The following EYS variants were observed in gnomAD, a reference collection of about 807,000 sequenced individuals.
EYS encodes the protein protein eyes shut homolog.
Under a neutral mutation model 282.1 loss-of-function variants are expected in EYS, and 250 were observed. The observed-to-expected ratio is 0.89, with a 90% CI of 0.80 to 0.98. The LOEUF is 0.98. Ranked by LOEUF, EYS falls within the 50% of genes least tolerant of loss-of-function variation. The probability of loss-of-function intolerance (pLI) is 0.00; values close to 1 mark genes in which losing one functional copy is unlikely to be tolerated. For synonymous variants in EYS, 1,355 were observed against 1,282.9 expected (o/e 1.06, Z -1.20); for missense variants, 4,016 against 3,709.0 (o/e 1.08, Z -2.15).
At chr6:65,454,785 T>C (rs1224042886) in intron 5 of EYS, among the ~76,000 whole-genome samples, 1 of 152,132 alleles carries the variant, frequency 6.6e-6, no homozygotes, top group Non-Finnish European at 1.5e-5. Context: ...TGTGTGTTCT[T>C]CTTACCTTTG....
chr6:64,534,422 C>T (rs1464215944), intron 26 of EYS, among the ~76,000 whole-genome samples: 1 of 151,940 alleles, frequency 6.6e-6, no homozygotes, highest in African/African-American at 2.4e-5. Context: ...AATAGCATTG[C>T]CTCAGCAGGA....
chr6:64,487,652 A>G (rs1776616717), intron 26 of EYS, among the ~76,000 whole-genome samples: 1 of 150,992 alleles, frequency 6.6e-6, no homozygotes. Context: ...AATGTGGGAT[A>G]CTATCAATAA....
At chr6:65,439,523 G>A (rs1356348723) in intron 5 of EYS, among the ~76,000 whole-genome samples, 1 of 151,742 alleles carries the variant, frequency 6.6e-6, no homozygotes, top group Admixed American at 6.6e-5. Context: ...CTTTTATTTC[G>A]TTGAGCACTG....
At position 64,909,537 on chromosome 6, in the gene EYS, C is replaced by T. The variant is rs922180496; in HGVS notation, c.2641+2947G>A. Among the ~76,000 whole-genome samples, 5 of 151,828 alleles carry T rather than the reference C, an allele frequency of 3.3e-5. No homozygotes were observed. The South Asian group carries it at 8.3e-4, about 25-fold the overall frequency. ...CTAATAAGATTTTATATAAAATAAC[C>T]ATATTGAATTATTACTGTCACATGC... On this transcript the variant is annotated intron_variant, in intron 16 of 42. Transcript: ENST00000503581.
At chr6:64,715,601 T>G (rs2149938343) in intron 22 of EYS, among the ~76,000 whole-genome samples, 1 of 152,298 alleles carries the variant, frequency 6.6e-6, no homozygotes, top group South Asian at 2.1e-4. Context: ...GGGTTTTCTG[T>G]GGCTGGGAAG....
At chr6:65,173,366 T>C (rs1291037076) in intron 12 of EYS, among the ~76,000 whole-genome samples, 1 of 151,304 alleles carries the variant, frequency 6.6e-6, no homozygotes, top group Non-Finnish European at 1.5e-5. Flanking sequence ...GTAAATCTAC[T>C]AACCTCTCTA....
At chr6:64,453,080 G>A in intron 26 of EYS, among the ~76,000 whole-genome samples, 1 of 152,110 alleles carries the variant, frequency 6.6e-6, no homozygotes, top group East Asian at 1.9e-4. Flanking sequence ...GCAACCTACA[G>A]AATGGGAGAA....
intron 33 of EYS, among the ~76,000 whole-genome samples, chr6:64,026,061 G>A (rs536211841): frequency 5.4e-4 from 82 of 152,294 alleles, no homozygotes; most frequent in African/African-American, 1.6e-3. Flanking sequence ...CATGTGGTCC[G>A]GGAGGAAAAC....
In EYS at chr6:64,364,723, G is replaced by A. The variant is rs555583360; in HGVS notation, c.6078+23967C>T. Among the ~76,000 whole-genome samples the A allele has an allele frequency of 4.0e-5, 6 of 151,848 alleles. No individual in the cohort carries two copies. In the South Asian group the frequency reaches 6.2e-4, roughly 16 times the overall value. On this transcript the variant is annotated intron_variant, in intron 29 of 42. Coordinates refer to ENST00000503581, the MANE Select transcript of EYS (RefSeq NM_001142800.2). ...TTAAAGAAAACTGTACAATTAGAGT[G>A]GAATAATAGACATTGGAAACTTTAA...
intron 11 of EYS, among the ~76,000 whole-genome samples, chr6:65,305,238 C>G (rs1768970259): frequency 6.6e-6 from 1 of 152,142 alleles, no homozygotes; most frequent in South Asian, 2.1e-4. Flanking sequence ...AGAGGGAGAT[C>G]AAGTGAAAGG....
chr6:64,714,512 CTTTCTTT>C (rs1771310803), intron 22 of EYS, among the ~76,000 whole-genome samples: 1 of 21,814 alleles, frequency 4.6e-5, no homozygotes, highest in Admixed American at 5.5e-4. Flanking sequence ...CATTTTCTTT[CTTTCTTT>C]TTTTTTTTTT....
chr6:65,376,839 T>C (rs1027391627), intron 8 of EYS, among the ~76,000 whole-genome samples: 1 of 152,166 alleles, frequency 6.6e-6, no homozygotes, highest in African/African-American at 2.4e-5. Flanking sequence ...TAAATATATA[T>C]GCACCCAATA....
intron 19 of EYS, among the ~76,000 whole-genome samples, chr6:64,856,147 G>A (rs1356641801): frequency 6.6e-6 from 1 of 152,046 alleles, no homozygotes; most frequent in Non-Finnish European, 1.5e-5. Flanking sequence ...TTGTTGGACT[G>A]TATGGTAAAA....
intron 19 of EYS, among the ~76,000 whole-genome samples, chr6:64,873,473 C>T (rs1472705112): frequency 6.6e-6 from 1 of 151,902 alleles, no homozygotes; most frequent in Non-Finnish European, 1.5e-5. Context: ...TATGTGAAAT[C>T]CAAAGAGTTG....
chr6:64,270,425 A>C (rs966705041), intron 30 of EYS, among the ~76,000 whole-genome samples: 6 of 152,044 alleles, frequency 3.9e-5, no homozygotes, highest in Non-Finnish European at 8.8e-5. Context: ...CTAGCAGTTA[A>C]AGATTTATTT....
chr6:65,398,998 A>G (rs1466216222), intron 7 of EYS, among the ~76,000 whole-genome samples: 1 of 152,086 alleles, frequency 6.6e-6, no homozygotes, highest in East Asian at 1.9e-4. Context: ...CTATTCTTAG[A>G]AATATATTCC....
At chr6:64,055,154 A>G (rs1317030102) in intron 33 of EYS, among the ~76,000 whole-genome samples, 1 of 152,170 alleles carries the variant, frequency 6.6e-6, no homozygotes, top group East Asian at 1.9e-4. Flanking sequence ...ACAAGCAAGA[A>G]CCTTCAAAGA....
At chr6:64,902,069 T>A in intron 18 of EYS, 44 bp downstream of exon 18, 1 of 1,357,112 alleles carries the variant, frequency 7.4e-7, no homozygotes, top group Non-Finnish European at 1.0e-6. Flanking sequence ...TCTTGTTGAA[T>A]TACACACATC....
intron 28 of EYS, among the ~76,000 whole-genome samples, chr6:64,396,628 T>C (rs1355324839): frequency 6.6e-6 from 1 of 152,068 alleles, no homozygotes; most frequent in African/African-American, 2.4e-5. Flanking sequence ...TTTTATTTTT[T>C]CTCTATGGAA....
Sources: allele counts gnomAD v4.1 joint callset (sites outside exome capture counted in the v4.1 genomes callset), GRCh38; gene constraint gnomAD v4.1.1; transcripts MANE v1.5; gene names NCBI Gene and HGNC (gene_info 2026-07-23, HGNC 2026-07-21).